Variants in CDHR3 observed in about 807,000 individuals in gnomAD.
CDHR3 encodes cadherin related family member 3, also known as cadherin-related family member 3.
In CDHR3, 79 loss-of-function variants were observed where a neutral mutation model predicts 86.6. That is an observed-to-expected ratio of 0.91 (90% confidence interval 0.76 to 1.10). The LOEUF (loss-of-function observed/expected upper bound fraction) is 1.10, where lower values mean the gene tolerates loss of function less well. Among genes scored for constraint, CDHR3 ranks in the 50% least tolerant of loss-of-function variants. CDHR3 has a pLI of 0.00. For missense variants in CDHR3, 1,081 were observed against 1,077.6 expected, an observed-to-expected ratio of 1.00 and a Z score of -0.04; for synonymous variants, 421 against 402.4, an observed-to-expected ratio of 1.05 and a Z score of -0.55.
intron 1 of CDHR3, among the ~76,000 whole-genome samples, chr7:105,964,208 CT>C (rs1432532542): frequency 3.3e-5 from 5 of 152,012 alleles, no homozygotes; most frequent in Non-Finnish European, 7.4e-5. Context: ...TTGAGGTTTC[CT>C]TCATATAGAT....
chr7:106,031,751 C>G (rs1652570891), intron 18 of CDHR3, among the ~76,000 whole-genome samples: 1 of 151,636 alleles, frequency 6.6e-6, no homozygotes, highest in African/African-American at 2.4e-5. Flanking sequence ...AAAGGCTCTT[C>G]CAGAGCAAAA....
intron 8 of CDHR3, among the ~76,000 whole-genome samples, chr7:106,005,176 G>C (rs1833779674): frequency 6.6e-6 from 1 of 152,130 alleles, no homozygotes; most frequent in Non-Finnish European, 1.5e-5. Context: ...ACCAAACAAA[G>C]CATCGAATTC....
intron 1 of CDHR3, among the ~76,000 whole-genome samples, chr7:105,969,283 C>T (rs1827519784): frequency 6.7e-6 from 1 of 148,942 alleles, no homozygotes; most frequent in Non-Finnish European, 1.5e-5. Context: ...CCTGTAGTCC[C>T]AGCTACTCGG....
chr7:106,009,741 T>G (rs1464621422), intron 8 of CDHR3, among the ~76,000 whole-genome samples: 2 of 152,200 alleles, frequency 1.3e-5, no homozygotes, highest in Admixed American at 6.5e-5. Context: ...TGATGATGAA[T>G]GAGCCCAGGG....
chr7:106,022,555 G>T, intron 14 of CDHR3, 107 bp downstream of exon 14: 1 of 1,478,770 alleles, frequency 6.8e-7, no homozygotes, highest in Non-Finnish European at 9.1e-7. Flanking sequence ...AAGAGTTGAG[G>T]TATTAGGATG....
rs985223571 is a variant in CDHR3, at chr7:106,030,562, C to A, written c.2305-230C>A. 6.6e-6 allele frequency among the ~76,000 whole-genome samples: 1 copy of A among 152,200 alleles called. No individual in the cohort carries two copies. Among genetic ancestry groups the A allele is most frequent in the Non-Finnish European group, 1.5e-5 (1 of 68,026 alleles). ...AACACCCTATATCTCCCCATCATAG[C>A]CTTATTACTCTGCATTGCAGCACCT... On this transcript the variant is annotated intron_variant, in intron 17 of 18. Coordinates refer to ENST00000317716, the MANE Select transcript of CDHR3 (RefSeq NM_152750.5). This position sits in a 1 kb window ranked among gnomAD's most constrained non-coding sequence, Gnocchi z 4.8.
rs1405842899 is a variant in CDHR3 at position 106,035,623 on chromosome 7, G to A, written c.*2926G>A. Among the ~76,000 whole-genome samples, 6 of 152,212 alleles carry A rather than the reference G, an allele frequency of 3.9e-5. No individual in the cohort carries two copies. Reference sequence around the variant, plus strand: ...CAAGGGCCCAGATACAGTCTTCTCAGTCCAAATACCCCTTGGAGGTTTCCC... The same window carrying A: ...CAAGGGCCCAGATACAGTCTTCTCAATCCAAATACCCCTTGGAGGTTTCCC... On this transcript the variant is annotated 3_prime_UTR_variant, in exon 19 of 19. Coordinates refer to ENST00000317716, the MANE Select transcript of CDHR3 (RefSeq NM_152750.5).
intron 8 of CDHR3, among the ~76,000 whole-genome samples, chr7:106,008,181 A>C (rs1834230565): frequency 6.6e-6 from 1 of 152,090 alleles, no homozygotes; most frequent in African/African-American, 2.4e-5. Flanking sequence ...TCAAGATGAG[A>C]TTTGGGTGGG....
At chr7:106,001,747 A>C in intron 7 of CDHR3, 137 bp downstream of exon 7, 1 of 1,039,644 alleles carries the variant, frequency 9.6e-7, no homozygotes, top group Non-Finnish European at 1.4e-6. Context: ...CGTATGCTCA[A>C]GTTTCTTCTA....
chr7:105,978,828 G>T (rs905040259), intron 2 of CDHR3, among the ~76,000 whole-genome samples: 2 of 152,084 alleles, frequency 1.3e-5, no homozygotes, highest in East Asian at 3.9e-4. Context: ...TTCCTCTGGG[G>T]TGTGAGAGCT....
At chr7:105,981,788 A>G (rs1829777601) in intron 3 of CDHR3, among the ~76,000 whole-genome samples, 1 of 150,718 alleles carries the variant, frequency 6.6e-6, no homozygotes, top group Non-Finnish European at 1.5e-5. Context: ...CTCCACCCCC[A>G]CCCAAATCTG....
rs376543545 is a variant in CDHR3 at position 105,984,305 on chromosome 7, T to C, written c.513+16T>C. On this transcript the variant is annotated intron_variant, in intron 4 of 18. Coordinates refer to ENST00000317716, the MANE Select transcript of CDHR3 (RefSeq NM_152750.5). The stretch of plus-strand genomic sequence containing the variant: ...TCCCCTCAGTGTAAGTGTCCTTATA[T>C]GGAAGAGGTGGTGTTTGTCCGTGTT... The C allele has an allele frequency of 1.3e-5, 20 of 1,582,996 alleles. No homozygotes were observed. The highest frequency in any genetic ancestry group is 1.5e-5 in the Non-Finnish European group (17 of 1,156,304).
At chr7:106,017,554 G>A (rs577512762) in intron 11 of CDHR3, among the ~76,000 whole-genome samples, 62 of 112,530 alleles carry the variant, frequency 5.5e-4, no homozygotes, top group African/African-American at 1.7e-3. Context: ...GTGAGACTCC[G>A]TCACACACAG....
In CDHR3 at chr7:106,024,477, G is replaced by T. The variant is rs745559683; in HGVS notation, c.2173G>T (p.Gly725Cys). ...VITLGSILLL[G>C]LLVYLVVLLA... ...CACTTTGGGCTCCATATTGCTTCTG[G>T]GTCTCCTCGTGTACCTGGTCGTCCT... The change falls in exon 15 of 19, where the codon GGT becomes TGT. Residue 725 changes from glycine (G) to cysteine (C), a missense_variant. Coordinates refer to ENST00000317716, the MANE Select transcript of CDHR3 (RefSeq NM_152750.5). The T allele has an allele frequency of 1.9e-6, 3 of 1,613,964 alleles. No homozygotes were observed. Among genetic ancestry groups the T allele is most frequent in the South Asian group, 2.2e-5 (2 of 91,080 alleles).
intron 16 of CDHR3, among the ~76,000 whole-genome samples, chr7:106,027,073 T>C (rs1033495651): frequency 2.6e-5 from 4 of 152,270 alleles, no homozygotes; most frequent in Admixed American, 2.6e-4. Context: ...GGACAGCTAA[T>C]GCTTTGTGCT....
At chr7:106,022,805 G>C (rs1256916614) in intron 14 of CDHR3, among the ~76,000 whole-genome samples, 1 of 152,104 alleles carries the variant, frequency 6.6e-6, no homozygotes, top group Non-Finnish European at 1.5e-5. Flanking sequence ...ACCCCTCTCT[G>C]CTTGTTCAGA....
At chr7:106,001,399 C>A in intron 6 of CDHR3, 63 bp from the exon 7 acceptor site, 1 of 1,582,970 alleles carries the variant, frequency 6.3e-7, no homozygotes. Context: ...AAATACCAAT[C>A]GCCTAGATGC....
At chr7:106,007,481 G>C (rs1172347895) in intron 8 of CDHR3, among the ~76,000 whole-genome samples, 1 of 152,154 alleles carries the variant, frequency 6.6e-6, no homozygotes, top group African/African-American at 2.4e-5. Context: ...ATGCTTTGCT[G>C]CTTAAAAATT....
chr7:106,029,511 T>C (rs1837996959), intron 17 of CDHR3, among the ~76,000 whole-genome samples: 1 of 151,864 alleles, frequency 6.6e-6, no homozygotes, highest in African/African-American at 2.4e-5. Flanking sequence ...TGCAAAGTGT[T>C]ACAGGATAGC....
Sources: allele counts gnomAD v4.1 joint callset (sites outside exome capture counted in the v4.1 genomes callset), GRCh38; gene constraint gnomAD v4.1.1; non-coding constraint Gnocchi (gnomAD v3.1); transcripts MANE v1.5; gene names NCBI Gene and HGNC (gene_info 2026-07-23, HGNC 2026-07-21).